Variants in KCNQ5 observed in about 807,000 individuals in gnomAD.
The protein encoded by KCNQ5 is potassium voltage-gated channel subfamily KQT member 5.
In KCNQ5, 30 loss-of-function variants were observed where a neutral mutation model predicts 98.2. That is an observed-to-expected ratio of 0.31 (90% CI 0.23 to 0.41). The LOEUF (loss-of-function observed/expected upper bound fraction) is 0.41, where lower values mean the gene tolerates loss of function less well. KCNQ5 is among the 10% of genes least tolerant of loss of function. The probability of loss-of-function intolerance (pLI) is 1.00; values close to 1 mark genes in which losing one functional copy is unlikely to be tolerated. For synonymous variants in KCNQ5, 458 were observed against 449.4 expected (o/e 1.02, Z -0.24); for missense variants, 835 against 1,182.5 (o/e 0.71, Z 4.31).
At position 72,694,879 on chromosome 6, in the gene KCNQ5, A is replaced by G. The variant is rs568219624; in HGVS notation, c.398+72292A>G. Among the ~76,000 whole-genome samples the G allele has an allele frequency of 5.3e-4, 81 of 152,268 alleles. 2 individuals carry two copies. In the South Asian group the frequency reaches 0.013, roughly 24 times the overall value. On this transcript the variant is annotated intron_variant, in intron 1 of 13. Transcript: ENST00000370398. Reference sequence around the variant, plus strand: ...CCTTTCCCCGCTCTATTAGTTCCCTATGACTGTTGATGCCATCTTTATGGC... The same window carrying G: ...CCTTTCCCCGCTCTATTAGTTCCCTGTGACTGTTGATGCCATCTTTATGGC...
At chr6:73,091,035 T>C (rs4398688) in intron 5 of KCNQ5, among the ~76,000 whole-genome samples, 133,393 of 152,238 alleles carry the variant, frequency 0.88, 59,078 homozygotes, top group South Asian at 0.96. Context: ...ATGTTTATTG[T>C]AGCACTTTTC....
chr6:73,043,127 G>A (rs116846875), intron 3 of KCNQ5: 7,588 of 447,020 alleles, frequency 0.017, 97 homozygotes, highest in Middle Eastern at 0.039. Context: ...TCCCTATGGT[G>A]GGGGCAGAGT....
intron 10 of KCNQ5, among the ~76,000 whole-genome samples, chr6:73,159,178 G>A (rs151267931): frequency 6.6e-6 from 1 of 152,312 alleles, no homozygotes; most frequent in East Asian, 1.9e-4. Context: ...AAAACAGAAT[G>A]AGATCATGTC....
At chr6:72,912,190 G>A (rs763308510) in intron 1 of KCNQ5, among the ~76,000 whole-genome samples, 3 of 152,134 alleles carry the variant, frequency 2.0e-5, no homozygotes, top group Non-Finnish European at 2.9e-5. Context: ...TATACTCACT[G>A]TCACTGAAAA....
chr6:72,713,389 C>G (rs978302559), intron 1 of KCNQ5, among the ~76,000 whole-genome samples: 2 of 152,144 alleles, frequency 1.3e-5, no homozygotes, highest in African/African-American at 4.8e-5. Context: ...ACCTGTTCAT[C>G]TGAGTTACAA....
chr6:72,853,579 A>G (rs1039192014), intron 1 of KCNQ5, among the ~76,000 whole-genome samples: 1 of 152,178 alleles, frequency 6.6e-6, no homozygotes, highest in Non-Finnish European at 1.5e-5. Context: ...CCTGGCCTCA[A>G]GTAATCTGCC....
Position 73,194,689 on chromosome 6 carries a change from C to G in KCNQ5, c.2074C>G (p.Leu692Val). ...CATCTCGAGAGGCCTGCAGTTCATT[C>G]TGACGCCAAATGAGTTCAGTGCCCA... is the stretch of plus-strand genomic sequence containing the variant. ...ANISRGLQFI[L>V]TPNEFSAQTF... Residue 692 changes from leucine (L) to valine (V), a missense_variant, in exon 14 of 14, where the codon CTG becomes GTG. Physicochemically the swap from Leu to Val is conservative, Grantham distance 32. Coordinates refer to ENST00000370398, the MANE Select transcript of KCNQ5 (RefSeq NM_019842.4). 1.2e-6 allele frequency: 2 copies of G among 1,614,272 alleles called. No individual in the cohort carries two copies. Among genetic ancestry groups the G allele is most frequent in the Non-Finnish European group, 1.7e-6 (2 of 1,180,050 alleles).
chr6:72,741,909 C>T (rs1384819342), intron 1 of KCNQ5, among the ~76,000 whole-genome samples: 1 of 152,188 alleles, frequency 6.6e-6, no homozygotes, highest in African/African-American at 2.4e-5. Flanking sequence ...CCATTGTCCC[C>T]TAAGTCTGAA....
intron 1 of KCNQ5, among the ~76,000 whole-genome samples, chr6:72,835,583 T>C (rs1345424718): frequency 6.6e-6 from 1 of 152,194 alleles, no homozygotes; most frequent in Non-Finnish European, 1.5e-5. Context: ...TTATAATACA[T>C]GGAGTGAATT....
intron 1 of KCNQ5, among the ~76,000 whole-genome samples, chr6:72,943,320 T>C (rs1430358268): frequency 6.6e-6 from 1 of 152,202 alleles, no homozygotes; most frequent in African/African-American, 2.4e-5. Flanking sequence ...AATTTGCTAG[T>C]GTCAAATGAA....
At chr6:72,627,744 T>G (rs1213890696) in intron 1 of KCNQ5, among the ~76,000 whole-genome samples, 3 of 152,212 alleles carry the variant, frequency 2.0e-5, no homozygotes, top group Non-Finnish European at 4.4e-5. Context: ...ATATGCACTC[T>G]AAGCCCCACC....
intron 1 of KCNQ5, among the ~76,000 whole-genome samples, chr6:72,718,266 A>G (rs866582051): frequency 2.0e-5 from 3 of 152,000 alleles, no homozygotes; most frequent in Non-Finnish European, 2.9e-5. Context: ...GATCCTAAGA[A>G]GGTATGAATA....
intron 10 of KCNQ5, chr6:73,157,888 G>T (rs567632348): frequency 9.0e-6 from 7 of 777,382 alleles, no homozygotes; most frequent in African/African-American, 8.5e-5. Context: ...ATCGTTCAGC[G>T]CATTTTTGGC....
chr6:73,141,094 A>G (rs1315965488), intron 10 of KCNQ5, among the ~76,000 whole-genome samples: 1 of 152,222 alleles, frequency 6.6e-6, no homozygotes, highest in African/African-American at 2.4e-5. Flanking sequence ...TAGGCAGCCT[A>G]TAAACAACAA....
chr6:73,139,091 GCCT>G (rs1459792334), intron 10 of KCNQ5, among the ~76,000 whole-genome samples: 5 of 152,272 alleles, frequency 3.3e-5, no homozygotes, highest in African/African-American at 1.2e-4. Flanking sequence ...CTGTCTGCCT[GCCT>G]CCTCCTCAGG....
intron 11 of KCNQ5, among the ~76,000 whole-genome samples, chr6:73,186,626 G>A (rs1411600305): frequency 2.0e-5 from 3 of 151,896 alleles, no homozygotes; most frequent in African/African-American, 7.3e-5. Flanking sequence ...CCATGGTACA[G>A]ACGCAATAGA....
chr6:73,064,374 T>G (rs1772956824), intron 3 of KCNQ5, among the ~76,000 whole-genome samples: 1 of 152,190 alleles, frequency 6.6e-6, no homozygotes. Flanking sequence ...CTCTGTAAAT[T>G]TAAACCCATA....
intron 2 of KCNQ5, among the ~76,000 whole-genome samples, chr6:73,018,708 G>A (rs1005051203): frequency 2.0e-5 from 3 of 152,106 alleles, no homozygotes; most frequent in Non-Finnish European, 4.4e-5. Flanking sequence ...AGAATGTGGA[G>A]CATTATGCAA....
At chr6:73,193,412 G>A (rs1257122118) in intron 13 of KCNQ5, among the ~76,000 whole-genome samples, 7 of 147,844 alleles carry the variant, frequency 4.7e-5, no homozygotes. Flanking sequence ...CAGATCACAA[G>A]GTCAGGAGTT....
Sources: gnomAD v4.1 joint callset for allele counts (sites outside exome capture counted in the v4.1 genomes callset) on GRCh38, gnomAD v4.1.1 for gene constraint, MANE v1.5 for transcripts, NCBI Gene and HGNC (gene_info 2026-07-23, HGNC 2026-07-21) for gene names.